Variants in ANO10 observed in about 807,000 individuals in gnomAD.
ANO10 encodes anoctamin 10.
ANO10 carries 77 observed loss-of-function variants against 74.7 expected under a neutral mutation model. The ratio of observed to expected loss-of-function variants is 1.03; its 90% CI spans 0.86 to 1.25. The LOEUF (loss-of-function observed/expected upper bound fraction) is 1.25. ANO10 is among the 50% of genes most tolerant of loss of function. The probability of loss-of-function intolerance (pLI) is 0.00; values close to 1 mark genes in which losing one functional copy is unlikely to be tolerated. For missense variants in ANO10, 721 were observed against 778.1 expected, an observed-to-expected ratio of 0.93 and a Z score of 0.87; for synonymous variants, 279 against 284.9, an observed-to-expected ratio of 0.98 and a Z score of 0.21.
chr3:43,519,942 T>A (rs187533216), intron 11 of ANO10, among the ~76,000 whole-genome samples: 2 of 152,270 alleles, frequency 1.3e-5, no homozygotes, highest in Admixed American at 6.5e-5. Context: ...AATTTCAGAA[T>A]GTAGAGGTCC....
intron 1 of ANO10, among the ~76,000 whole-genome samples, chr3:43,635,524 G>A (rs1367846900): frequency 6.6e-6 from 1 of 152,066 alleles, no homozygotes; most frequent in African/African-American, 2.4e-5. Context: ...TTATCTATGT[G>A]ATGAAATAGA....
In ANO10 at chr3:43,653,926, GGT is replaced by G. The variant is rs1491453046; in HGVS notation, c.-12+37589_-12+37590del. Among the ~76,000 whole-genome samples, 13 of 85,170 alleles carry G rather than the reference GGT, an allele frequency of 1.5e-4. No individual in the cohort carries two copies. In the East Asian group the frequency reaches 2.1e-3, roughly 14 times the overall value. 55.9% of individuals were successfully genotyped at this position (85,170 alleles called of 152,430 possible). A position where few individuals can be genotyped will look rare whatever the true frequency, so the allele number is the denominator to read the frequency against. On this transcript the variant is annotated intron_variant, in intron 1 of 3. Coordinates refer to the ANO10 transcript ENST00000413397. ...TGAGATGCAAAGAGCAGTTTGCTGG[GGT>G]TTTTTTTTTTTTTGCAACTTCTGGA...
intron 11 of ANO10, among the ~76,000 whole-genome samples, chr3:43,433,209 A>C (rs969813805): frequency 6.6e-6 from 1 of 151,998 alleles, no homozygotes; most frequent in Non-Finnish European, 1.5e-5. Context: ...GGCCTCCCAA[A>C]GTGCCGGGAT....
chr3:43,486,613 T>C (rs891014326), intron 11 of ANO10, among the ~76,000 whole-genome samples: 3 of 142,254 alleles, frequency 2.1e-5, no homozygotes, highest in Admixed American at 7.2e-5. Context: ...CTGTCTGTTG[T>C]TGGTGTATAA....
In ANO10 at chr3:43,610,868, T is replaced by C. The variant is rs551322557; in HGVS notation, c.-11-5005A>G. 2.6e-5 allele frequency among the ~76,000 whole-genome samples: 4 copies of C among 152,298 alleles called. No homozygotes were observed. The South Asian group carries it at 6.2e-4, about 24-fold the overall frequency. ...AGTAGTCCTTTCCAATCTGTAAAAA[T>C]GAAAGCCTATGAAATTGTATCCTAT... is the stretch of plus-strand genomic sequence containing the variant. On this transcript the variant is annotated intron_variant, in intron 1 of 12. Transcript: ENST00000292246.
chr3:43,641,370 A>G (rs547013913), intron 1 of ANO10, among the ~76,000 whole-genome samples: 1 of 152,190 alleles, frequency 6.6e-6, no homozygotes, highest in East Asian at 1.9e-4. Context: ...GAAAAATCCA[A>G]TACCTATATT....
intron 6 of ANO10, 135 bp downstream of exon 6, chr3:43,576,557 T>G (rs996423050): frequency 3.6e-6 from 3 of 834,422 alleles, no homozygotes; most frequent in Non-Finnish European, 5.7e-6. Context: ...AGCTGATAAA[T>G]TTTTCCTTAT....
chr3:43,657,502 G>C (rs1575582101), intron 1 of ANO10, among the ~76,000 whole-genome samples: 1 of 152,168 alleles, frequency 6.6e-6, no homozygotes, highest in African/African-American at 2.4e-5. Flanking sequence ...CATCTTATGG[G>C]ACAGTCACTG....
At chr3:43,551,014 T>C (rs543493805) in intron 10 of ANO10, among the ~76,000 whole-genome samples, 1 of 152,368 alleles carries the variant, frequency 6.6e-6, no homozygotes, top group South Asian at 2.1e-4. Context: ...TTAAAGTGTC[T>C]TGAGGGACTT....
chr3:43,479,146 G>T (rs1333793364), intron 11 of ANO10, among the ~76,000 whole-genome samples: 1 of 152,156 alleles, frequency 6.6e-6, no homozygotes, highest in Non-Finnish European at 1.5e-5. Flanking sequence ...TTTAATAACA[G>T]AAAAGAGGCA....
chr3:43,403,401 G>A (rs1253265637), intron 12 of ANO10, among the ~76,000 whole-genome samples: 1 of 152,258 alleles, frequency 6.6e-6, no homozygotes, highest in African/African-American at 2.4e-5. Flanking sequence ...GTTTGGACAG[G>A]AGGAACAAGA....
chr3:43,467,647 C>T (rs1351961233), intron 11 of ANO10, among the ~76,000 whole-genome samples: 1 of 152,190 alleles, frequency 6.6e-6, no homozygotes, highest in Admixed American at 6.5e-5. Context: ...TAGAAATGTT[C>T]TAAATCTTCT....
rs2075297486 is a variant in ANO10, at chr3:43,459,731, A to G, written c.1798-27004T>C. Among the ~76,000 whole-genome samples, 12 of 152,190 alleles carry G rather than the reference A, an allele frequency of 7.9e-5. 1 individual carries two copies. The highest frequency in any genetic ancestry group is 7.9e-4 in the Admixed American group (12 of 15,278). ...AGGGGGAAAGTGCTTTTTGGGCCTC[A>G]GATGGTAGGAGTTAGTGAGGGCTCG... On this transcript the variant is annotated intron_variant, in intron 11 of 12. Transcript: ENST00000292246.
At chr3:43,605,454 A>G (rs2082516051) in intron 2 of ANO10, among the ~76,000 whole-genome samples, 3 of 152,168 alleles carry the variant, frequency 2.0e-5, no homozygotes, top group African/African-American at 7.2e-5. Flanking sequence ...TAGGCATACT[A>G]TTTAGAGCTG....
rs1007311765 is a variant in ANO10, at chr3:43,438,870, A to G, written c.1798-6143T>C. 6.6e-5 allele frequency among the ~76,000 whole-genome samples: 10 copies of G among 152,354 alleles called. No homozygotes were observed. The East Asian group carries it at 7.7e-4, about 12-fold the overall frequency. On this transcript the variant is annotated intron_variant, in intron 11 of 12. Coordinates refer to ENST00000292246, the MANE Select transcript of ANO10 (RefSeq NM_018075.5). ...GAGTCACAGGAGCAAAAACAACAAA[A>G]GAAGAAAAGTGAAGAAAGCTTAATG... is the stretch of plus-strand genomic sequence containing the variant.
In ANO10 at chr3:43,554,430, T is replaced by C. The variant is rs184894885; in HGVS notation, c.1668+848A>G. Among the ~76,000 whole-genome samples the C allele has an allele frequency of 1.1e-3, 161 of 152,156 alleles. 1 individual carries two copies. Among genetic ancestry groups the C allele is most frequent in the African/African-American group, 3.8e-3 (158 of 41,534 alleles). ...CTGGTCTCGAACTCCTGACCTCAGGTAATCCGCCTGCCTCAACCTCCCAAA... is the reference window on the plus strand; with the variant it reads ...CTGGTCTCGAACTCCTGACCTCAGGCAATCCGCCTGCCTCAACCTCCCAAA... On this transcript the variant is annotated intron_variant, in intron 10 of 12. Coordinates refer to ENST00000292246, the MANE Select transcript of ANO10 (RefSeq NM_018075.5).
chr3:43,686,868 A>G (rs1277605519), intron 1 of ANO10, among the ~76,000 whole-genome samples: 2 of 152,184 alleles, frequency 1.3e-5, no homozygotes, highest in Non-Finnish European at 2.9e-5. Context: ...GTAGGAACAC[A>G]GGCATAACTA....
chr3:43,489,932 T>C (rs1486284995), intron 11 of ANO10, among the ~76,000 whole-genome samples: 1 of 152,178 alleles, frequency 6.6e-6, no homozygotes, highest in Non-Finnish European at 1.5e-5. Context: ...AAAATCTCCT[T>C]TCACTGAAGA....
chr3:43,397,627 AATAACACTGTTCCC>A (rs2092406852), intron 12 of ANO10, among the ~76,000 whole-genome samples: 1 of 152,220 alleles, frequency 6.6e-6, no homozygotes, highest in Non-Finnish European at 1.5e-5. Context: ...GGCTAGTAGG[AATAACACTGTTCCC>A]TCTGAGCCTC....
Sources: allele counts gnomAD v4.1 joint callset (sites outside exome capture counted in the v4.1 genomes callset), GRCh38; gene constraint gnomAD v4.1.1; transcripts MANE v1.5; gene names NCBI Gene and HGNC (gene_info 2026-07-23, HGNC 2026-07-21).